The following TENM2 variants were observed in gnomAD, a reference collection of about 807,000 sequenced individuals.
The protein encoded by TENM2 is teneurin transmembrane protein 2.
A neutral mutation model predicts 245.2 loss-of-function variants in TENM2; 52 were observed. The ratio of observed to expected loss-of-function variants is 0.21; its 90% CI spans 0.17 to 0.27. The LOEUF (loss-of-function observed/expected upper bound fraction) is 0.27, where lower values mean the gene tolerates loss of function less well. Among genes scored for constraint, TENM2 ranks in the 10% least tolerant of loss-of-function variants. TENM2 has a pLI of 1.00. For synonymous variants in TENM2, 1,363 were observed against 1,438.9 expected, an observed-to-expected ratio of 0.95 and a Z score of 1.19; for missense variants, 3,046 against 3,666.8, an observed-to-expected ratio of 0.83 and a Z score of 4.37.
chr5:167,433,552 G>T (rs548999121), intron 2 of TENM2, among the ~76,000 whole-genome samples: 1 of 152,120 alleles, frequency 6.6e-6, no homozygotes, highest in South Asian at 2.1e-4. Context: ...CTAAGTTAAA[G>T]CAATTTAAAG....
chr5:167,218,065 G>A, the TENM2 span, among the ~76,000 whole-genome samples: 2 of 152,018 alleles, frequency 1.3e-5, no homozygotes, highest in Non-Finnish European at 2.9e-5. Flanking sequence ...GAGATGTAAT[G>A]CCAACTGTTA....
intron 2 of TENM2, among the ~76,000 whole-genome samples, chr5:167,753,069 T>C (rs182532496): frequency 6.6e-6 from 1 of 152,306 alleles, no homozygotes; most frequent in Admixed American, 6.5e-5. Flanking sequence ...TATCTGGACT[T>C]AGAAAGATAA....
chr5:167,916,191 C>T (rs552211554), intron 3 of TENM2, among the ~76,000 whole-genome samples: 10 of 152,316 alleles, frequency 6.6e-5, no homozygotes, highest in South Asian at 4.1e-4. Flanking sequence ...AGAACCGTCA[C>T]TATTTTTGTG....
the TENM2 span, among the ~76,000 whole-genome samples, chr5:167,132,637 G>A: frequency 6.6e-6 from 1 of 152,186 alleles, no homozygotes; most frequent in Non-Finnish European, 1.5e-5. Flanking sequence ...GACCCCCTGA[G>A]TGGTAGACAA....
At chr5:167,860,194 G>A (rs1263229855) in intron 2 of TENM2, among the ~76,000 whole-genome samples, 56 of 122,900 alleles carry the variant, frequency 4.6e-4, no homozygotes, top group African/African-American at 1.6e-3. Flanking sequence ...AGGTGGGGGG[G>A]TCAGCCCCCC....
intron 2 of TENM2, among the ~76,000 whole-genome samples, chr5:167,872,799 G>C (rs1773098732): frequency 6.6e-6 from 1 of 152,198 alleles, no homozygotes; most frequent in African/African-American, 2.4e-5. Context: ...GTCTGTATTT[G>C]TATAAATTAA....
the TENM2 span, among the ~76,000 whole-genome samples, chr5:167,095,768 C>CT: frequency 0.061 from 7,969 of 129,742 alleles, 335 homozygotes; most frequent in East Asian, 0.22. Context: ...GAAAGCCTTT[C>CT]TTTTTTTTTT....
At chr5:168,056,989 A>G (rs929799495) in intron 6 of TENM2, among the ~76,000 whole-genome samples, 1 of 152,080 alleles carries the variant, frequency 6.6e-6, no homozygotes, top group Non-Finnish European at 1.5e-5. Flanking sequence ...GAAATTGCCT[A>G]AGAGTACATT....
chr5:168,129,837 G>T (rs952327180), intron 12 of TENM2: 1 of 152,134 alleles, frequency 6.6e-6, no homozygotes, highest in Non-Finnish European at 1.5e-5. Context: ...GGGGCTCTTT[G>T]GTCCTTTCCA....
the TENM2 span, among the ~76,000 whole-genome samples, chr5:166,997,775 T>C: frequency 2.6e-5 from 4 of 152,178 alleles, no homozygotes; most frequent in African/African-American, 9.6e-5. Context: ...CATTGAGTCA[T>C]TGATCAACTC....
At chr5:167,036,262 T>G in the TENM2 span, among the ~76,000 whole-genome samples, 1 of 152,140 alleles carries the variant, frequency 6.6e-6, no homozygotes, top group South Asian at 2.1e-4. Flanking sequence ...GCTTGGAGGT[T>G]TGTTTTAAGG....
chr5:167,033,571 A>T, the TENM2 span, among the ~76,000 whole-genome samples: 2 of 152,206 alleles, frequency 1.3e-5, no homozygotes, highest in African/African-American at 4.8e-5. Context: ...TTTGTTGAAC[A>T]TGCATTTTAA....
chr5:167,465,007 G>T (rs921491705), intron 2 of TENM2, among the ~76,000 whole-genome samples: 2 of 152,190 alleles, frequency 1.3e-5, no homozygotes, highest in African/African-American at 4.8e-5. Context: ...TGACATTGAT[G>T]TGTTTACCGT....
chr5:167,760,643 G>C (rs4869071), intron 2 of TENM2, among the ~76,000 whole-genome samples: 150,081 of 152,234 alleles, frequency 0.99, 74,007 homozygotes, highest in Middle Eastern at 1. Context: ...CAGCTGCCTT[G>C]TTATTGTTGT....
In TENM2 at chr5:168,244,661, T is replaced by C. The variant is rs375192672; in HGVS notation, c.5762T>C (p.Ile1921Thr). ...ACAGACATCGACAAGCAAGGCCGCA[T>C]CGTGTCCCGCATGTTCGCTGACGGG... The change falls in exon 26 of 29, where the codon ATC (isoleucine) becomes ACC (threonine). Residue 1921 changes from isoleucine to threonine, a missense_variant. Physicochemically the swap from Ile to Thr is moderately conservative, Grantham distance 89. Around this residue, in one of 2 missense-constraint regions of TENM2, gnomAD observed 2,704 missense variants for 3,331.9 expected, o/e 0.81. Coordinates refer to ENST00000518659, the Ensembl canonical transcript of TENM2. The surrounding 1 kb of genome is among the most constrained non-coding windows in gnomAD (Gnocchi z 4.9). 2.3e-5 allele frequency: 36 copies of C among 1,536,404 alleles called. No homozygotes were observed. Among genetic ancestry groups the C allele is most frequent in the Non-Finnish European group, 2.8e-5 (32 of 1,132,814 alleles).
chr5:167,822,942 G>A (rs1431871214), intron 2 of TENM2, among the ~76,000 whole-genome samples: 2 of 152,156 alleles, frequency 1.3e-5, no homozygotes, highest in African/African-American at 4.8e-5. Flanking sequence ...GGTGATAAAC[G>A]TTTTATTAAA....
chr5:167,010,226 A>T, the TENM2 span, among the ~76,000 whole-genome samples: 1 of 152,134 alleles, frequency 6.6e-6, no homozygotes, highest in African/African-American at 2.4e-5. Flanking sequence ...TACTAAAAAT[A>T]CAAAAAATTA....
chr5:167,627,580 C>T (rs1357913047), intron 2 of TENM2, among the ~76,000 whole-genome samples: 7 of 139,030 alleles, frequency 5.0e-5, no homozygotes, highest in African/African-American at 8.1e-5. Flanking sequence ...TTTTTTGAAA[C>T]GGGGTCTCAC....
At chr5:167,060,656 A>G in the TENM2 span, among the ~76,000 whole-genome samples, 1 of 151,604 alleles carries the variant, frequency 6.6e-6, no homozygotes, top group Non-Finnish European at 1.5e-5. Context: ...CTCTCAAAAA[A>G]AAAAAAAAAA....
Sources: allele counts gnomAD v4.1 joint callset (sites outside exome capture counted in the v4.1 genomes callset), GRCh38; gene constraint gnomAD v4.1.1; regional missense constraint gnomAD v4.1.1; non-coding constraint Gnocchi (gnomAD v3.1); transcripts MANE v1.5; gene names NCBI Gene and HGNC (gene_info 2026-07-23, HGNC 2026-07-21).